NRXN1: variants seen among roughly 807,000 people sequenced by gnomAD.
NRXN1 encodes neurexin 1.
A neutral mutation model predicts 150.9 loss-of-function variants in NRXN1; 39 were observed. The observed-to-expected ratio is 0.26, with a 90% confidence interval of 0.20 to 0.34. The LOEUF is 0.34. Among genes scored for constraint, NRXN1 ranks in the 10% least tolerant of loss-of-function variants. The pLI is 1.00. For synonymous variants in NRXN1, 924 were observed against 757.0 expected (o/e 1.22, Z -3.62); for missense variants, 1,815 against 1,949.9 (o/e 0.93, Z 1.30).
At chr2:50,178,893 G>C (rs1574343422) in intron 18 of NRXN1, among the ~76,000 whole-genome samples, 2 of 152,214 alleles carry the variant, frequency 1.3e-5, no homozygotes, top group African/African-American at 2.4e-5. Flanking sequence ...GGGGAAAATG[G>C]GGAATCCAAG....
At chr2:50,422,272 T>C (rs1434955187) in intron 17 of NRXN1, among the ~76,000 whole-genome samples, 2 of 152,138 alleles carry the variant, frequency 1.3e-5, no homozygotes, top group African/African-American at 2.4e-5. Flanking sequence ...TCAACATAAT[T>C]TCCTCTAAAA....
At position 50,373,309 on chromosome 2, in the gene NRXN1, A is replaced by ATTG. The variant is rs1189779488; in HGVS notation, c.3364+92132_3364+92133insCAA. ...TATTTTATTTTTTATTATTATTATT[A>ATTG]TTATTATTATTATTATTATTATTTT... On this transcript the variant is annotated intron_variant, in intron 17 of 22. Coordinates refer to ENST00000401669, the MANE Select transcript of NRXN1 (RefSeq NM_001330078.2). Among the ~76,000 whole-genome samples, 3 of 145,758 alleles carry ATTG rather than the reference A, an allele frequency of 2.1e-5. No homozygotes were observed. The South Asian group carries it at 6.4e-4, about 31-fold the overall frequency.
chr2:50,529,729 C>T (rs568854107), intron 11 of NRXN1, among the ~76,000 whole-genome samples: 3 of 152,292 alleles, frequency 2.0e-5, no homozygotes, highest in African/African-American at 7.2e-5. Context: ...ATGAGTGTTT[C>T]CACTTTGACT....
intron 17 of NRXN1, among the ~76,000 whole-genome samples, chr2:50,459,895 G>C (rs1336124381): frequency 5.3e-5 from 8 of 152,042 alleles, no homozygotes; most frequent in African/African-American, 1.9e-4. Flanking sequence ...CTCTGATTAA[G>C]GCAGTATCCC....
chr2:50,204,723 T>C (rs1343746612), intron 18 of NRXN1, among the ~76,000 whole-genome samples: 4 of 152,078 alleles, frequency 2.6e-5, no homozygotes, highest in Non-Finnish European at 5.9e-5. Flanking sequence ...ATGTTGGCAT[T>C]TGGATTATTT....
chr2:50,866,365 C>T (rs1177222055), intron 5 of NRXN1, among the ~76,000 whole-genome samples: 1 of 151,846 alleles, frequency 6.6e-6, no homozygotes, highest in Admixed American at 6.6e-5. Context: ...TATCTTACGA[C>T]AGCTTTTTGC....
chr2:50,887,956 T>G (rs1680501683), intron 5 of NRXN1, among the ~76,000 whole-genome samples: 3 of 150,088 alleles, frequency 2.0e-5, no homozygotes, highest in Non-Finnish European at 4.5e-5. Flanking sequence ...TAAGGTACCT[T>G]TTAAGTAAAA....
Position 50,258,585 on chromosome 2 carries a change from C to T in NRXN1, c.3365-21615G>A, listed in dbSNP as rs1477808095. 3.3e-5 allele frequency among the ~76,000 whole-genome samples: 5 copies of T among 151,954 alleles called. No homozygotes were observed. The Admixed American group carries it at 3.3e-4, about 10-fold the overall frequency. ...TATGAAGGTTGAAATCAATTTCTTC[C>T]AAATTCCTATTAGCACTGATATTTT... On this transcript the variant is annotated intron_variant, in intron 17 of 22. Transcript: ENST00000401669.
chr2:50,933,289 C>G (rs1688044425), intron 2 of NRXN1, among the ~76,000 whole-genome samples: 1 of 152,006 alleles, frequency 6.6e-6, no homozygotes, highest in African/African-American at 2.4e-5. Flanking sequence ...TTGTTCAAAG[C>G]CAAATATTTT....
At chr2:50,677,886 T>C (rs1689779559) in intron 5 of NRXN1, among the ~76,000 whole-genome samples, 1 of 152,066 alleles carries the variant, frequency 6.6e-6, no homozygotes, top group Non-Finnish European at 1.5e-5. Context: ...GCAGTACAAA[T>C]CACCACCTAC....
At chr2:50,459,342 C>T (rs539564830) in intron 17 of NRXN1, among the ~76,000 whole-genome samples, 8 of 152,194 alleles carry the variant, frequency 5.3e-5, no homozygotes, top group Admixed American at 2.6e-4. Flanking sequence ...TCCAGAGGTA[C>T]ATGTGAAAGT....
chr2:50,472,053 A>G (rs1402279894), intron 16 of NRXN1, among the ~76,000 whole-genome samples: 32 of 96,692 alleles, frequency 3.3e-4, no homozygotes, highest in East Asian at 8.3e-4. Context: ...CAAAAGCAAA[A>G]ACAGGCAAAA....
chr2:50,280,937 G>GA (rs1409462844), intron 17 of NRXN1, among the ~76,000 whole-genome samples: 1 of 151,898 alleles, frequency 6.6e-6, no homozygotes, highest in Non-Finnish European at 1.5e-5. Flanking sequence ...TCAAAAGGGT[G>GA]AAAAAATATA....
intron 5 of NRXN1, among the ~76,000 whole-genome samples, chr2:50,879,147 C>T (rs10210089): frequency 0.98 from 149,030 of 151,908 alleles, 73,120 homozygotes; most frequent in East Asian, 1. Context: ...AACCTTGAGA[C>T]CGAAGACAGG....
chr2:50,168,421 G>T (rs1436495074), intron 18 of NRXN1, among the ~76,000 whole-genome samples: 1 of 152,080 alleles, frequency 6.6e-6, no homozygotes, highest in African/African-American at 2.4e-5. Context: ...ACACAATTTG[G>T]CCTTTATATT....
intron 15 of NRXN1, among the ~76,000 whole-genome samples, chr2:50,476,655 C>T (rs946489498): frequency 2.0e-5 from 3 of 152,018 alleles, no homozygotes; most frequent in African/African-American, 7.2e-5. Context: ...TAGTTTATCT[C>T]CTGTTTCTAG....
At chr2:50,713,696 A>T (rs1695494152) in intron 5 of NRXN1, among the ~76,000 whole-genome samples, 1 of 152,214 alleles carries the variant, frequency 6.6e-6, no homozygotes, top group Admixed American at 6.5e-5. Flanking sequence ...AACAAAAAAA[A>T]ACAGATAAAT....
intron 18 of NRXN1, among the ~76,000 whole-genome samples, chr2:50,103,548 C>A (rs1701252610): frequency 1.3e-5 from 2 of 152,092 alleles, no homozygotes; most frequent in South Asian, 4.1e-4. Context: ...GATTCTCTAT[C>A]CAATTCTACT....
chr2:50,816,813 T>C (rs1206733866), intron 5 of NRXN1, among the ~76,000 whole-genome samples: 1 of 152,140 alleles, frequency 6.6e-6, no homozygotes, highest in African/African-American at 2.4e-5. Context: ...CATTCAACTG[T>C]AGAATTTCTG....
Sources: gnomAD v4.1 joint callset for allele counts (sites outside exome capture counted in the v4.1 genomes callset) on GRCh38, gnomAD v4.1.1 for gene constraint, MANE v1.5 for transcripts, NCBI Gene and HGNC (gene_info 2026-07-23, HGNC 2026-07-21) for gene names.